The following RASGRP3 variants were observed in gnomAD, a reference collection of about 807,000 sequenced individuals.
The protein encoded by RASGRP3 is RAS guanyl releasing protein 3.
In RASGRP3, 54 loss-of-function variants were observed where a neutral mutation model predicts 82.7. That is an observed-to-expected ratio of 0.65 (90% CI 0.52 to 0.82). The LOEUF (loss-of-function observed/expected upper bound fraction) is 0.82, where lower values mean the gene tolerates loss of function less well. Among genes scored for constraint, RASGRP3 ranks in the 40% least tolerant of loss-of-function variants. The probability of loss-of-function intolerance (pLI) is 0.00; values close to 1 mark genes in which losing one functional copy is unlikely to be tolerated. For missense variants in RASGRP3, 861 were observed against 828.9 expected (o/e 1.04, Z -0.48); for synonymous variants, 309 against 300.5 (o/e 1.03, Z -0.29).
At chr2:33,467,985 T>C (rs1666804383) in intron 2 of RASGRP3, among the ~76,000 whole-genome samples, 3 of 13,598 alleles carry the variant, frequency 2.2e-4, no homozygotes. Flanking sequence ...AGGCTTTTTC[T>C]TTCTTTCTTT....
chr2:33,549,816 G>GA (rs1675199242), intron 14 of RASGRP3, 65 bp downstream of exon 14: 3 of 1,513,354 alleles, frequency 2.0e-6, no homozygotes, highest in Non-Finnish European at 2.7e-6. Flanking sequence ...GAAAAAGTAG[G>GA]AAAATGATAC....
Position 33,521,961 on chromosome 2 carries a change from C to T in RASGRP3, c.375C>T (p.Ser125=), listed in dbSNP as rs754645146. The T allele has an allele frequency of 1.2e-6, 2 of 1,610,048 alleles. No homozygotes were observed. Among genetic ancestry groups the T allele is most frequent in the Non-Finnish European group, 1.7e-6 (2 of 1,178,950 alleles). ...ACTCACTCTTCTTTTATAGTCCTTC[C>T]TATGACTGGATGAGAAGAGTCACAC... ...VSLIDISSIP[S]YDWMRRVTQR... The change falls in exon 7 of 18, where the codon TCC becomes TCT. Residue 125 remains serine (S), a synonymous_variant. Coordinates refer to ENST00000403687, the MANE Select transcript of RASGRP3 (RefSeq NM_001139488.2).
At chr2:33,437,680 G>T (rs575150410) in intron 1 of RASGRP3, among the ~76,000 whole-genome samples, 3 of 152,348 alleles carry the variant, frequency 2.0e-5, no homozygotes, top group East Asian at 3.9e-4. Context: ...CTCAGGCTCA[G>T]TGTGGATCCC....
At position 33,478,085 on chromosome 2, in the gene RASGRP3, C is replaced by T. The variant is rs186489177; in HGVS notation, c.-261+1378C>T. On this transcript the variant is annotated intron_variant, in intron 1 of 17. Transcript: ENST00000403687. Reference sequence around the variant, plus strand: ...TTGTGGAGAATGGATTAAAAATGACCCAGGGCACGGCACTTCTGCGATCGA... The same window carrying T: ...TTGTGGAGAATGGATTAAAAATGACTCAGGGCACGGCACTTCTGCGATCGA... Among the ~76,000 whole-genome samples the T allele has an allele frequency of 7.9e-5, 12 of 152,188 alleles. No homozygotes were observed. In the East Asian group the frequency reaches 1.9e-3, roughly 25 times the overall value.
At chr2:33,547,367 T>TTTTTTTTTC (rs1468658446) in intron 13 of RASGRP3, among the ~76,000 whole-genome samples, 2 of 101,682 alleles carry the variant, frequency 2.0e-5, no homozygotes, top group Non-Finnish European at 4.0e-5. Context: ...TTTTTTTTTT[T>TTTTTTTTTC]TTTTGCCTCC....
At chr2:33,494,096 A>T (rs1210574022) in intron 1 of RASGRP3, among the ~76,000 whole-genome samples, 1 of 152,210 alleles carries the variant, frequency 6.6e-6, no homozygotes, top group Non-Finnish European at 1.5e-5. Context: ...CAACTTAGGC[A>T]AATCACCTTA....
At chr2:33,452,187 T>G (rs886235798) in intron 2 of RASGRP3, among the ~76,000 whole-genome samples, 1 of 152,230 alleles carries the variant, frequency 6.6e-6, no homozygotes, top group Admixed American at 6.5e-5. Flanking sequence ...TCTGTTAAGA[T>G]GATTATTTTG....
intron 1 of RASGRP3, among the ~76,000 whole-genome samples, chr2:33,506,787 C>T (rs1244041369): frequency 5.9e-5 from 9 of 152,194 alleles, no homozygotes; most frequent in Admixed American, 2.6e-4. Context: ...TTTGGAGATA[C>T]TGCCTCACCA....
chr2:33,538,788 C>T (rs1170756634), intron 11 of RASGRP3, among the ~76,000 whole-genome samples: 8 of 152,108 alleles, frequency 5.3e-5, no homozygotes, highest in African/African-American at 7.2e-5. Context: ...CCTATAATCC[C>T]GGCACTTTGG....
At chr2:33,495,236 G>A (rs1669200800) in intron 1 of RASGRP3, among the ~76,000 whole-genome samples, 1 of 152,212 alleles carries the variant, frequency 6.6e-6, no homozygotes, top group Admixed American at 6.5e-5. Context: ...AGATTTCGTG[G>A]AAGACTGTTT....
chr2:33,441,750 G>C (rs1028872022), intron 1 of RASGRP3, among the ~76,000 whole-genome samples: 2 of 152,080 alleles, frequency 1.3e-5, no homozygotes, highest in African/African-American at 4.8e-5. Flanking sequence ...CTAGATCTTT[G>C]ATTCTAAATA....
intron 2 of RASGRP3, among the ~76,000 whole-genome samples, chr2:33,459,283 C>T (rs1390038766): frequency 5.3e-5 from 8 of 152,022 alleles, no homozygotes; most frequent in South Asian, 2.1e-4. Flanking sequence ...TACAGGCGCC[C>T]GCCACCACGC....
intron 1 of RASGRP3, among the ~76,000 whole-genome samples, chr2:33,494,652 G>A (rs1222720068): frequency 6.6e-6 from 1 of 152,170 alleles, no homozygotes; most frequent in South Asian, 2.1e-4. Flanking sequence ...CTCTAAGCAC[G>A]AATAGGTACA....
At chr2:33,450,890 T>C (rs1665761912) in intron 2 of RASGRP3, among the ~76,000 whole-genome samples, 1 of 133,154 alleles carries the variant, frequency 7.5e-6, no homozygotes, top group Admixed American at 8.6e-5. Context: ...CAGGCTGGAG[T>C]GTAGTGGCAT....
upstream of RASGRP3, among the ~76,000 whole-genome samples, chr2:33,473,486 G>A (rs1050903758): frequency 6.6e-6 from 1 of 152,234 alleles, no homozygotes; most frequent in African/African-American, 2.4e-5. Flanking sequence ...GCAAGAGAAG[G>A]CGTGGTTGTT....
chr2:33,550,613 G>C (rs369957027), intron 14 of RASGRP3, among the ~76,000 whole-genome samples: 19 of 152,190 alleles, frequency 1.2e-4, no homozygotes, highest in African/African-American at 4.6e-4. Context: ...TTCCAGGTGA[G>C]GGAGGCCCAG....
intron 4 of RASGRP3, among the ~76,000 whole-genome samples, chr2:33,519,207 A>G (rs1220796373): frequency 6.6e-6 from 1 of 152,216 alleles, no homozygotes; most frequent in Non-Finnish European, 1.5e-5. Context: ...TTTCAATCCC[A>G]CTATAATCTT....
intron 1 of RASGRP3, 53 bp downstream of exon 1, chr2:33,476,760 T>TGTGTGTGTGTGTGTGTGC (rs1667413295): frequency 1.7e-5 from 2 of 115,450 alleles, no homozygotes; most frequent in African/African-American, 7.1e-5. Context: ...TCCCTCTCCG[T>TGTGTGTGTGTGTGTGTGC]GTGTGTGTGT....
intron 7 of RASGRP3, 105 bp downstream of exon 7, chr2:33,522,207 G>T: frequency 1.5e-6 from 2 of 1,316,546 alleles, no homozygotes; most frequent in Admixed American, 4.6e-5. Context: ...CTATCACTGT[G>T]CTCTGCTGGA....
Sources: gnomAD v4.1 joint callset for allele counts (sites outside exome capture counted in the v4.1 genomes callset) on GRCh38, gnomAD v4.1.1 for gene constraint, MANE v1.5 for transcripts, NCBI Gene and HGNC (gene_info 2026-07-23, HGNC 2026-07-21) for gene names.